ATP6V0E1: variants seen among roughly 807,000 people sequenced by gnomAD.
ATP6V0E1 encodes the protein V-type proton ATPase subunit e 1.
A neutral mutation model predicts 11.6 loss-of-function variants in ATP6V0E1; 4 were observed. The observed-to-expected ratio is 0.35, with a 90% CI of 0.17 to 0.79. The LOEUF (loss-of-function observed/expected upper bound fraction) is 0.79. Ranked by LOEUF, ATP6V0E1 falls within the 30% of genes least tolerant of loss-of-function variation. The probability of loss-of-function intolerance (pLI) is 0.54; values close to 1 mark genes in which losing one functional copy is unlikely to be tolerated. For synonymous variants in ATP6V0E1, 36 were observed against 34.8 expected, an observed-to-expected ratio of 1.04 and a Z score of -0.13; for missense variants, 105 against 100.0, an observed-to-expected ratio of 1.05 and a Z score of -0.21.
At chr5:173,027,491 G>A (rs1343335551) in intron 3 of ATP6V0E1, among the ~76,000 whole-genome samples, 1 of 150,908 alleles carries the variant, frequency 6.6e-6, no homozygotes, top group African/African-American at 2.4e-5. Context: ...GACAGAAAGA[G>A]ACTCCGTCTC....
At chr5:173,003,363 AT>A (rs1756187153) in intron 2 of ATP6V0E1, among the ~76,000 whole-genome samples, 1 of 152,092 alleles carries the variant, frequency 6.6e-6, no homozygotes, top group African/African-American at 2.4e-5. Context: ...AGGTTGTCTG[AT>A]TTGTTAATTC....
chr5:173,012,915 G>A (rs1398147667), intron 2 of ATP6V0E1, among the ~76,000 whole-genome samples: 2 of 151,764 alleles, frequency 1.3e-5, no homozygotes, highest in East Asian at 3.9e-4. Context: ...GCTCACACCT[G>A]TAATCCCAGC....
chr5:173,003,940 G>T (rs934690871), intron 2 of ATP6V0E1, among the ~76,000 whole-genome samples: 3 of 152,178 alleles, frequency 2.0e-5, no homozygotes, highest in African/African-American at 7.2e-5. Flanking sequence ...AGGGATAGAG[G>T]CCAGGGATGC....
intron 2 of ATP6V0E1, among the ~76,000 whole-genome samples, chr5:172,998,282 G>T (rs540065699): frequency 6.7e-6 from 1 of 149,206 alleles, no homozygotes; most frequent in African/African-American, 2.5e-5. Flanking sequence ...GTTGCATGTG[G>T]AGGGAATTCT....
chr5:173,020,393 T>C (rs1756461042), intron 3 of ATP6V0E1, 26 bp downstream of exon 3: 15 of 1,349,066 alleles, frequency 1.1e-5, no homozygotes, highest in Non-Finnish European at 1.5e-5. Context: ...ACCTTTCTTA[T>C]CAGTATGGTC....
At chr5:173,014,162 A>T (rs1475781413) in intron 2 of ATP6V0E1, among the ~76,000 whole-genome samples, 2 of 139,028 alleles carry the variant, frequency 1.4e-5, no homozygotes. Flanking sequence ...CTCCATCTTA[A>T]AAAAAAAAAA....
intron 3 of ATP6V0E1, among the ~76,000 whole-genome samples, chr5:173,029,586 T>G (rs1391701291): frequency 6.6e-6 from 1 of 152,122 alleles, no homozygotes; most frequent in East Asian, 1.9e-4. Flanking sequence ...ATCTTCCTGG[T>G]GTAGCACTTC....
At chr5:173,034,365 G>A (rs1756708744) in intron 3 of ATP6V0E1, 34 bp from the exon 4 acceptor site, 1 of 702,792 alleles carries the variant, frequency 1.4e-6, no homozygotes, top group Non-Finnish European at 2.6e-6. Context: ...AGGAATGTAT[G>A]AGGACCAGTT....
At position 173,005,160 on chromosome 5, in the gene ATP6V0E1, G is replaced by GAA. The variant is rs35638656; in HGVS notation, c.152+10350_152+10351dup. On this transcript the variant is annotated intron_variant, in intron 2 of 3. Transcript: ENST00000519374. The stretch of plus-strand genomic sequence containing the variant: ...TTAAAATCAACTAGGCAGTTTCTAC[G>GAA]AAAAAAAAAAAAACCTGTTGGGATT... Among the ~76,000 whole-genome samples the GAA allele has an allele frequency of 6.2e-3, 877 of 140,716 alleles. 9 individuals are homozygous for GAA. Among genetic ancestry groups the GAA allele is most frequent in the African/African-American group, 0.019 (735 of 38,064 alleles). 92.3% of individuals were successfully genotyped at this position (140,716 alleles called of 152,430 possible).
chr5:173,027,076 G>A (rs999155395), intron 3 of ATP6V0E1, among the ~76,000 whole-genome samples: 11 of 151,454 alleles, frequency 7.3e-5, no homozygotes, highest in African/African-American at 2.4e-4. Flanking sequence ...CTACTCGGGA[G>A]GCTGGGGCAG....
intron 2 of ATP6V0E1, among the ~76,000 whole-genome samples, chr5:173,009,833 A>G (rs793220): frequency 0.48 from 65,991 of 138,006 alleles, 17,202 homozygotes; most frequent in East Asian, 0.81. Context: ...GCACAATCTG[A>G]GCTCACTGCA....
intron 2 of ATP6V0E1, among the ~76,000 whole-genome samples, chr5:173,011,794 A>G (rs1244608879): frequency 6.6e-6 from 1 of 152,158 alleles, no homozygotes; most frequent in Non-Finnish European, 1.5e-5. Context: ...TGAAAGGTAC[A>G]TTTAGTTCCT....
intron 2 of ATP6V0E1, among the ~76,000 whole-genome samples, chr5:173,016,236 T>C (rs1046220724): frequency 6.6e-6 from 1 of 152,174 alleles, no homozygotes; most frequent in Non-Finnish European, 1.5e-5. Flanking sequence ...GATCTGATGC[T>C]GATGCTACCT....
At chr5:173,031,691 C>T (rs1019197174) in intron 3 of ATP6V0E1, among the ~76,000 whole-genome samples, 16 of 151,304 alleles carry the variant, frequency 1.1e-4, no homozygotes, top group African/African-American at 3.2e-4. Context: ...TAGTGGCGGG[C>T]GCCTGTAGTC....
intron 2 of ATP6V0E1, among the ~76,000 whole-genome samples, chr5:173,013,292 T>C (rs1359450412): frequency 7.1e-6 from 1 of 140,136 alleles, no homozygotes. Context: ...AAGAGACAAC[T>C]TGGCCGGGCG....
chr5:173,017,533 TAAA>T (rs750496072), intron 2 of ATP6V0E1, among the ~76,000 whole-genome samples: 5 of 62,766 alleles, frequency 8.0e-5, no homozygotes, highest in Non-Finnish European at 9.5e-5. Flanking sequence ...AGACTTCGTC[TAAA>T]AAAAAAAAAA....
intron 1 of ATP6V0E1, among the ~76,000 whole-genome samples, chr5:172,985,069 A>AT (rs1755869492): frequency 6.6e-6 from 1 of 151,910 alleles, no homozygotes; most frequent in Non-Finnish European, 1.5e-5. Context: ...ACACGGTGAA[A>AT]CCCGTCTCTA....
Position 172,983,842 on chromosome 5 carries a change from T to G in ATP6V0E1, c.-19T>G, listed in dbSNP as rs1317561553. The stretch of plus-strand genomic sequence containing the variant: ...CCGAGTGAGGCGACGGGGTAGGGGT[T>G]GGCGCTCAGGCGGCGACCATGGCGT... On this transcript the variant is annotated 5_prime_UTR_variant, in exon 1 of 4. Coordinates refer to ENST00000519374, the MANE Select transcript of ATP6V0E1 (RefSeq NM_003945.4). The G allele has an allele frequency of 1.2e-5, 20 of 1,612,064 alleles. No homozygotes were observed. The highest frequency in any genetic ancestry group is 1.7e-5 in the Non-Finnish European group (20 of 1,178,456).
intron 2 of ATP6V0E1, among the ~76,000 whole-genome samples, chr5:173,011,837 G>C (rs1756330446): frequency 1.3e-5 from 2 of 152,106 alleles, no homozygotes; most frequent in Admixed American, 6.6e-5. Context: ...AGATTCATTG[G>C]AATATGATCT....
Sources: allele counts gnomAD v4.1 joint callset (sites outside exome capture counted in the v4.1 genomes callset), GRCh38; gene constraint gnomAD v4.1.1; transcripts MANE v1.5; gene names NCBI Gene and HGNC (gene_info 2026-07-23, HGNC 2026-07-21).